Variants in BMP5 observed in about 807,000 individuals in gnomAD.
The protein encoded by BMP5 is bone morphogenetic protein 5.
Under a neutral mutation model 46.6 loss-of-function variants are expected in BMP5, and 23 were observed. The observed-to-expected ratio is 0.49, with a 90% confidence interval of 0.35 to 0.70. The LOEUF (loss-of-function observed/expected upper bound fraction) is 0.70. BMP5 is among the 30% of genes least tolerant of loss of function. The pLI, the probability that BMP5 is intolerant of heterozygous loss-of-function variation, is 0.00. For missense variants in BMP5, 545 were observed against 565.6 expected (o/e 0.96, Z 0.37); for synonymous variants, 204 against 191.9 (o/e 1.06, Z -0.52).
At chr6:55,847,317 T>C (rs932659293) in intron 1 of BMP5, among the ~76,000 whole-genome samples, 4 of 151,962 alleles carry the variant, frequency 2.6e-5, no homozygotes, top group Non-Finnish European at 5.9e-5. Flanking sequence ...CATTTTATGC[T>C]GTTTGTAACG....
intron 3 of BMP5, among the ~76,000 whole-genome samples, chr6:55,777,261 G>A (rs562236061): frequency 2.5e-4 from 38 of 151,614 alleles, no homozygotes; most frequent in South Asian, 1.0e-3. Flanking sequence ...AGACTACACC[G>A]TATGTATTAA....
chr6:55,774,978 G>A (rs1379582244), intron 3 of BMP5, among the ~76,000 whole-genome samples: 1 of 151,900 alleles, frequency 6.6e-6, no homozygotes, highest in Non-Finnish European at 1.5e-5. Context: ...TTTACTGAAA[G>A]GAATTCAGAA....
At chr6:55,794,211 A>G in intron 3 of BMP5, 68 bp downstream of exon 3, 1 of 1,550,126 alleles carries the variant, frequency 6.5e-7, no homozygotes, top group Non-Finnish European at 8.9e-7. Context: ...GTTATATCAC[A>G]TAAAAAACGA....
intron 3 of BMP5, among the ~76,000 whole-genome samples, chr6:55,778,346 G>T (rs555055161): frequency 1.3e-5 from 2 of 151,878 alleles, no homozygotes; most frequent in South Asian, 2.1e-4. Context: ...AGATTGAAAG[G>T]GTTCTTGAAG....
In BMP5 at chr6:55,753,704, A is replaced by G. The variant is rs957702887; in HGVS notation, c.*1829T>C. The G allele has an allele frequency of 1.3e-5, 2 of 151,158 alleles. No individual in the cohort carries two copies. Among genetic ancestry groups the G allele is most frequent in the African/African-American group, 2.4e-5 (1 of 41,124 alleles). The allele number at this position is 151,158 out of a possible 1,614,324, so 9.4% of individuals were successfully genotyped here. ...GATAATTATTAACAACACAAAAAACAATTTTGGCAATTAAGAACAACATAA... is the reference window on the plus strand; with the variant it reads ...GATAATTATTAACAACACAAAAAACGATTTTGGCAATTAAGAACAACATAA... On this transcript the variant is annotated 3_prime_UTR_variant, in exon 7 of 7. Coordinates refer to ENST00000370830, the MANE Select transcript of BMP5 (RefSeq NM_021073.4).
intron 1 of BMP5, among the ~76,000 whole-genome samples, chr6:55,849,100 A>T (rs1777161227): frequency 6.6e-6 from 1 of 151,990 alleles, no homozygotes; most frequent in African/African-American, 2.4e-5. Context: ...TTCTTCTTGA[A>T]GCTAAATGGT....
chr6:55,810,349 A>C (rs1776098814), intron 2 of BMP5, among the ~76,000 whole-genome samples: 1 of 152,214 alleles, frequency 6.6e-6, no homozygotes, highest in South Asian at 2.1e-4. Flanking sequence ...GAAATGAAAA[A>C]AAGTTGGAAT....
At position 55,819,636 on chromosome 6, in the gene BMP5, T is replaced by A; in HGVS notation, c.683+19A>T. 6.3e-7 allele frequency: 1 copy of A among 1,577,382 alleles called. No homozygotes were observed. Among genetic ancestry groups the A allele is most frequent in the Non-Finnish European group, 8.7e-7 (1 of 1,148,200 alleles). ...TACATATATTTGCCAGGATAATAAG[T>A]TAAATAAAAAGATTATACCTATTTG... On this transcript the variant is annotated intron_variant, in intron 2 of 6. Transcript: ENST00000370830.
chr6:55,757,105 A>G (rs1198488056), intron 6 of BMP5, among the ~76,000 whole-genome samples: 1 of 151,830 alleles, frequency 6.6e-6, no homozygotes, highest in Non-Finnish European at 1.5e-5. Context: ...TTTTTTTTAT[A>G]TTTGTTTTTT....
chr6:55,777,037 T>C (rs1019183608), intron 3 of BMP5, among the ~76,000 whole-genome samples: 12 of 151,942 alleles, frequency 7.9e-5, no homozygotes, highest in African/African-American at 2.9e-4. Context: ...TATTATTAAG[T>C]TTCCTCTTGG....
Position 55,808,122 on chromosome 6 carries a change from TC to T in BMP5, c.683+11532del, listed in dbSNP as rs530969370. ...GGTCTTTGGAGACTGTGACCACCCC[TC>T]CCACTAGGGGATCAGGTCCAGGGAG... On this transcript the variant is annotated intron_variant, in intron 2 of 6. Coordinates refer to ENST00000370830, the MANE Select transcript of BMP5 (RefSeq NM_021073.4). Among the ~76,000 whole-genome samples, 421 of 152,276 alleles carry T rather than the reference TC, an allele frequency of 2.8e-3. 5 individuals are homozygous for T. Among genetic ancestry groups the T allele is most frequent in the Non-Finnish European group, 2.9e-3 (198 of 68,014 alleles).
intron 1 of BMP5, among the ~76,000 whole-genome samples, chr6:55,829,680 A>G (rs1434488831): frequency 1.3e-5 from 2 of 151,930 alleles, no homozygotes; most frequent in Admixed American, 1.3e-4. Flanking sequence ...TTGAGGAAGA[A>G]AAAAAGGTAA....
chr6:55,791,368 C>G (rs1395696972), intron 3 of BMP5, among the ~76,000 whole-genome samples: 2 of 152,116 alleles, frequency 1.3e-5, no homozygotes, highest in Non-Finnish European at 2.9e-5. Context: ...AAAAAGCCAG[C>G]TAGCCTAGCA....
intron 3 of BMP5, among the ~76,000 whole-genome samples, chr6:55,777,907 G>A (rs926434400): frequency 3.9e-5 from 6 of 152,046 alleles, no homozygotes; most frequent in African/African-American, 1.4e-4. Flanking sequence ...ACTGGCAGAA[G>A]TGGTGAACAA....
rs184318900 is a variant in BMP5, at chr6:55,875,175, C to G, written c.-310G>C. On this transcript the variant is annotated 5_prime_UTR_variant, in exon 1 of 7. Coordinates refer to ENST00000370830, the MANE Select transcript of BMP5 (RefSeq NM_021073.4). ...CGGCTAATATTATTTGATCAGATGA[C>G]CTATGCATTCCTATATGAATTTATG... is the stretch of plus-strand genomic sequence containing the variant. 58 of 271,128 alleles carry G rather than the reference C, an allele frequency of 2.1e-4. No homozygotes were observed. The highest frequency in any genetic ancestry group is 3.9e-4 in the Non-Finnish European group (55 of 140,616). The allele number at this position is 271,128 out of a possible 1,614,324, so 16.8% of individuals were successfully genotyped here. A position where few individuals can be genotyped will look rare whatever the true frequency, so the allele number is the denominator to read the frequency against.
At position 55,754,576 on chromosome 6, in the gene BMP5, CAAACTCAGTTAT is replaced by C. The variant is rs1394688206; in HGVS notation, c.*945_*956del. ...AAATCCCTTGCATCACATCAATCAGCAAACTCAGTTATAAAGGAGAGCTAAAGAAAATGGTTC... is the reference window on the plus strand; with the variant it reads ...AAATCCCTTGCATCACATCAATCAGCAAAGGAGAGCTAAAGAAAATGGTTC... On this transcript the variant is annotated 3_prime_UTR_variant, in exon 7 of 7. Transcript: ENST00000370830. 1 of 151,960 alleles carries C rather than the reference CAAACTCAGTTAT, an allele frequency of 6.6e-6. No homozygotes were observed. The highest frequency in any genetic ancestry group is 1.5e-5 in the Non-Finnish European group (1 of 67,930). The allele number at this position is 151,960 out of a possible 1,614,324, so 9.4% of individuals were successfully genotyped here. A position where few individuals can be genotyped will look rare whatever the true frequency, so the allele number is the denominator to read the frequency against.
chr6:55,796,576 T>C (rs569707923), intron 2 of BMP5, among the ~76,000 whole-genome samples: 26 of 152,028 alleles, frequency 1.7e-4, no homozygotes, highest in Non-Finnish European at 3.4e-4. Context: ...TGTATATATG[T>C]GCCATGCTGG....
At chr6:55,800,949 T>C (rs1398912073) in intron 2 of BMP5, among the ~76,000 whole-genome samples, 4 of 152,202 alleles carry the variant, frequency 2.6e-5, no homozygotes, top group African/African-American at 9.7e-5. Flanking sequence ...GCACTGATAT[T>C]TGGACTGGAC....
intron 1 of BMP5, among the ~76,000 whole-genome samples, chr6:55,843,105 A>AT (rs1300954472): frequency 1.4e-4 from 22 of 151,924 alleles, no homozygotes; most frequent in Non-Finnish European, 5.9e-5. Flanking sequence ...AAGCATTAAG[A>AT]TTTTTTCTAG....
Sources: allele counts gnomAD v4.1 joint callset (sites outside exome capture counted in the v4.1 genomes callset), GRCh38; gene constraint gnomAD v4.1.1; transcripts MANE v1.5; gene names NCBI Gene and HGNC (gene_info 2026-07-23, HGNC 2026-07-21).